The following MICAL3 variants were observed in gnomAD, a reference collection of about 807,000 sequenced individuals.
MICAL3 encodes the protein microtubule associated monooxygenase, calponin and LIM domain containing 3, also known as [F-actin]-monooxygenase MICAL3.
In MICAL3, 62 loss-of-function variants were observed where a neutral mutation model predicts 207.4. The observed-to-expected ratio is 0.30, with a 90% CI of 0.24 to 0.37. The LOEUF is 0.37. MICAL3 is among the 10% of genes least tolerant of loss of function. The pLI, the probability that MICAL3 is intolerant of heterozygous loss-of-function variation, is 1.00. For synonymous variants in MICAL3, 1,077 were observed against 1,069.3 expected, an observed-to-expected ratio of 1.01 and a Z score of -0.14; for missense variants, 2,368 against 2,635.6, an observed-to-expected ratio of 0.90 and a Z score of 2.22.
In MICAL3 at chr22:17,791,221, CGT is replaced by C; in HGVS notation, c.5729_5730del (p.Tyr1910Ter). The C allele has an allele frequency of 1.2e-6, 2 of 1,613,872 alleles. No homozygotes were observed. The highest frequency in any genetic ancestry group is 1.7e-6 in the Non-Finnish European group (2 of 1,179,864). On this transcript the variant is annotated frameshift_variant, in exon 30 of 32. Coordinates refer to ENST00000441493, the MANE Select transcript of MICAL3 (RefSeq NM_015241.3). LOFTEE classifies it high-confidence loss of function. The part of the protein sequence containing the change: ...LVQEKNAMVR[Y>X]ESELMIFARE... Reference sequence around the variant, plus strand: ...ACTCACAAGATCATCAGCTCCGACTCGTAGCGCACCATGGCGTTCTTCTCCTG... The same window carrying C: ...ACTCACAAGATCATCAGCTCCGACTCAGCGCACCATGGCGTTCTTCTCCTG...
intron 19 of MICAL3, among the ~76,000 whole-genome samples, chr22:17,847,597 T>G (rs1004296195): frequency 6.6e-6 from 1 of 152,032 alleles, no homozygotes; most frequent in Admixed American, 6.6e-5. Flanking sequence ...GCTGATGACC[T>G]CAGGGAGATA....
At chr22:17,801,664 C>T (rs953433922) in intron 29 of MICAL3, among the ~76,000 whole-genome samples, 4 of 151,188 alleles carry the variant, frequency 2.6e-5, no homozygotes, top group African/African-American at 4.8e-5. Context: ...GAGGCTGAGG[C>T]GGGCGGATCA....
At chr22:17,884,137 A>G (rs1929661942) in intron 16 of MICAL3, 1 of 550,822 alleles carries the variant, frequency 1.8e-6, no homozygotes, top group Non-Finnish European at 3.2e-6. Flanking sequence ...TCCCAGAGCT[A>G]CTACTCGAAT....
intron 1 of MICAL3, among the ~76,000 whole-genome samples, chr22:17,928,422 C>G (rs1473380361): frequency 3.4e-5 from 5 of 147,008 alleles, no homozygotes; most frequent in South Asian, 2.1e-4. Context: ...CTGGGCGAAA[C>G]AGCAAGACTC....
chr22:18,012,876 G>A (rs1017761051), intron 1 of MICAL3, among the ~76,000 whole-genome samples: 1 of 152,174 alleles, frequency 6.6e-6, no homozygotes, highest in Non-Finnish European at 1.5e-5. Flanking sequence ...TCAGCTCCAC[G>A]GTGGTAACTG....
At chr22:17,887,861 G>A (rs1373814966) in intron 13 of MICAL3, among the ~76,000 whole-genome samples, 2 of 152,158 alleles carry the variant, frequency 1.3e-5, no homozygotes, top group African/African-American at 4.8e-5. Context: ...GTATGCAGAT[G>A]CCACACTCTG....
At chr22:17,929,326 C>T (rs1011536719) in intron 1 of MICAL3, among the ~76,000 whole-genome samples, 1 of 146,780 alleles carries the variant, frequency 6.8e-6, no homozygotes, top group African/African-American at 2.5e-5. Flanking sequence ...TAATCTCAAA[C>T]TCCTGGCTTC....
chr22:17,788,418 C>T lies in MICAL3; in HGVS notation c.*2314G>A, dbSNP rs2061802614. On this transcript the variant is annotated 3_prime_UTR_variant, in exon 32 of 32. Coordinates refer to ENST00000441493, the MANE Select transcript of MICAL3 (RefSeq NM_015241.3). ...ACTTACAGCAGATCCCTAGGCCACA[C>T]TCCTTCCAAGCCACTTTGCAAACTG... 6.6e-6 allele frequency: 1 copy of T among 152,358 alleles called. No homozygotes were observed. Among genetic ancestry groups the T allele is most frequent in the Admixed American group, 6.5e-5 (1 of 15,284 alleles). The allele number at this position is 152,358 out of a possible 1,614,324, so 9.4% of individuals were successfully genotyped here. A position where few individuals can be genotyped will look rare whatever the true frequency, so the allele number is the denominator to read the frequency against.
chr22:17,899,047 T>C (rs1043301466), intron 7 of MICAL3, among the ~76,000 whole-genome samples: 1 of 152,242 alleles, frequency 6.6e-6, no homozygotes, highest in Non-Finnish European at 1.5e-5. Context: ...ATCAGTCAGA[T>C]ATGGAAATCA....
intron 1 of MICAL3, among the ~76,000 whole-genome samples, chr22:17,917,720 T>C (rs1426687759): frequency 6.6e-6 from 1 of 152,162 alleles, no homozygotes; most frequent in Non-Finnish European, 1.5e-5. Context: ...AAGGCCTCCC[T>C]GGGCGGGGCT....
rs202069342 is a variant in MICAL3, at chr22:17,877,036, G to GGGAGGTTAT, written c.2242-5022_2242-5014dup. Among the ~76,000 whole-genome samples, 3 of 52,056 alleles carry GGGAGGTTAT rather than the reference G, an allele frequency of 5.8e-5. 1 individual carries two copies. Among genetic ancestry groups the GGGAGGTTAT allele is most frequent in the Middle Eastern group, 0.028 (2 of 72 alleles). The allele number at this position is 52,056 out of a possible 152,430, so 34.2% of individuals were successfully genotyped here. On this transcript the variant is annotated intron_variant, in intron 16 of 31. Transcript: ENST00000441493. Reference sequence around the variant, plus strand: ...GAGGTTATGGAGGTTATGGAGGTTAGGGAGGTTATGGAGGTTAGGGAGGTT... The same window carrying GGGAGGTTAT: ...GAGGTTATGGAGGTTATGGAGGTTAGGGAGGTTATGGAGGTTATGGAGGTTAGGGAGGTT...
intron 29 of MICAL3, among the ~76,000 whole-genome samples, chr22:17,799,080 C>T (rs1267452307): frequency 2.0e-5 from 3 of 152,154 alleles, no homozygotes; most frequent in Non-Finnish European, 4.4e-5. Context: ...GCCCAACTGA[C>T]TGGATTAAAC....
intron 21 of MICAL3, among the ~76,000 whole-genome samples, chr22:17,829,084 T>G (rs551938268): frequency 5.5e-4 from 84 of 152,314 alleles, no homozygotes; most frequent in African/African-American, 1.9e-3. Context: ...TGTGGAGTAT[T>G]AGCCCCTTGT....
chr22:18,002,126 A>C (rs2146491456), intron 1 of MICAL3, among the ~76,000 whole-genome samples: 1 of 152,202 alleles, frequency 6.6e-6, no homozygotes, highest in East Asian at 1.9e-4. Context: ...TGAACCCGGG[A>C]GGCGGAAGTT....
intron 19 of MICAL3, chr22:17,863,342 G>T (rs1260005253): frequency 2.0e-6 from 2 of 985,240 alleles, no homozygotes; most frequent in Non-Finnish European, 2.4e-6. Flanking sequence ...GATGAAATAG[G>T]GCCCAGACTA....
Position 17,789,759 on chromosome 22 carries a change from G to C in MICAL3, c.*973C>G, listed in dbSNP as rs1286786445. The stretch of plus-strand genomic sequence containing the variant: ...GCTGTGGCTCCCGCACCCGGGCGCA[G>C]GTGATCAGTTCCTCTAGTAAAGATA... On this transcript the variant is annotated 3_prime_UTR_variant, in exon 32 of 32. Coordinates refer to ENST00000441493, the MANE Select transcript of MICAL3 (RefSeq NM_015241.3). 1 of 152,264 alleles carries C rather than the reference G, an allele frequency of 6.6e-6. No individual in the cohort carries two copies. The highest frequency in any genetic ancestry group is 1.5e-5 in the Non-Finnish European group (1 of 68,046). The allele number at this position is 152,264 out of a possible 1,614,324, so 9.4% of individuals were successfully genotyped here. A position where few individuals can be genotyped will look rare whatever the true frequency, so the allele number is the denominator to read the frequency against.
intron 1 of MICAL3, among the ~76,000 whole-genome samples, chr22:17,992,674 A>G (rs1284325099): frequency 6.6e-6 from 1 of 152,062 alleles, no homozygotes; most frequent in Non-Finnish European, 1.5e-5. Flanking sequence ...ACCCCTCACT[A>G]GGGCCTAGCA....
Position 17,827,017 on chromosome 22 carries a change from T to C in MICAL3, c.3193+627A>G, listed in dbSNP as rs556990174. Among the ~76,000 whole-genome samples, 3 of 152,300 alleles carry C rather than the reference T, an allele frequency of 2.0e-5. No homozygotes were observed. In the East Asian group the frequency reaches 5.8e-4, roughly 29 times the overall value. Reference sequence around the variant, plus strand: ...CAGAGGTGACTCCGAGGGTGGGTATTTGGAAGACAGCATGCCAGGAAAGAT... The same window carrying C: ...CAGAGGTGACTCCGAGGGTGGGTATCTGGAAGACAGCATGCCAGGAAAGAT... On this transcript the variant is annotated intron_variant, in intron 22 of 31. Transcript: ENST00000441493.
intron 16 of MICAL3, chr22:17,876,933 G>A (rs1928566727): frequency 1.5e-5 from 2 of 134,594 alleles, no homozygotes; most frequent in African/African-American, 3.3e-5. Flanking sequence ...GGTTAGGGAG[G>A]TTAGGGAGGT....
Sources: allele counts gnomAD v4.1 joint callset (sites outside exome capture counted in the v4.1 genomes callset), GRCh38; gene constraint gnomAD v4.1.1; transcripts MANE v1.5; gene names NCBI Gene and HGNC (gene_info 2026-07-23, HGNC 2026-07-21).